Variants in GRIK2 observed in about 807,000 individuals in gnomAD.
GRIK2 encodes the protein glutamate ionotropic receptor kainate type subunit 2, also known as glutamate receptor ionotropic, kainate 2.
A neutral mutation model predicts 100.3 loss-of-function variants in GRIK2; 32 were observed. That is an observed-to-expected ratio of 0.32 (90% CI 0.24 to 0.43). The LOEUF (loss-of-function observed/expected upper bound fraction) is 0.43, where lower values mean the gene tolerates loss of function less well. Ranked by LOEUF, GRIK2 falls within the 20% of genes least tolerant of loss-of-function variation. The pLI is 1.00. For synonymous variants in GRIK2, 417 were observed against 389.4 expected (o/e 1.07, Z -0.83); for missense variants, 843 against 1,114.9 (o/e 0.76, Z 3.47).
chr6:101,725,064 T>C (rs1774764271), intron 7 of GRIK2, among the ~76,000 whole-genome samples: 1 of 152,086 alleles, frequency 6.6e-6, no homozygotes, highest in South Asian at 2.1e-4. Context: ...ACTTTGTGAA[T>C]TCAATAAATC....
At chr6:101,864,143 C>CAAAAA (rs138911944) in intron 11 of GRIK2, among the ~76,000 whole-genome samples, 3 of 85,806 alleles carry the variant, frequency 3.5e-5, no homozygotes, top group African/African-American at 9.5e-5. Context: ...GACTCCGTCT[C>CAAAAA]AAAAAAAAAA....
chr6:101,512,329 AT>A (rs1457482359), intron 2 of GRIK2, among the ~76,000 whole-genome samples: 4 of 151,980 alleles, frequency 2.6e-5, no homozygotes, highest in African/African-American at 7.2e-5. Context: ...ATGAACCATT[AT>A]TTTTTAAAAA....
chr6:101,625,407 T>G (rs2128318259), intron 3 of GRIK2, among the ~76,000 whole-genome samples: 1 of 150,974 alleles, frequency 6.6e-6, no homozygotes, highest in South Asian at 2.1e-4. Flanking sequence ...AATAAATAAA[T>G]AAATAAATAA....
intron 14 of GRIK2, among the ~76,000 whole-genome samples, chr6:101,999,803 G>A (rs1490048053): frequency 5.3e-5 from 8 of 151,910 alleles, no homozygotes; most frequent in Admixed American, 4.6e-4. Flanking sequence ...TTAGCTTCAG[G>A]TTGTTATAGG....
intron 2 of GRIK2, among the ~76,000 whole-genome samples, chr6:101,572,998 CA>C (rs1777629281): frequency 6.6e-6 from 1 of 151,900 alleles, no homozygotes; most frequent in South Asian, 2.1e-4. Flanking sequence ...AGGTGCCTGC[CA>C]CCATTCCCGG....
In GRIK2 at chr6:101,894,006, C is replaced by G. The variant is rs572260149; in HGVS notation, c.1748+4143C>G. On this transcript the variant is annotated intron_variant, in intron 12 of 16. Transcript: ENST00000369134. The stretch of plus-strand genomic sequence containing the variant: ...ATATATTTTGCTGGAGAGAAACATA[C>G]AACTAGAAAGGAAATATGAGGAAGA... Among the ~76,000 whole-genome samples the G allele has an allele frequency of 3.3e-5, 5 of 151,210 alleles. No individual in the cohort carries two copies. In the South Asian group the frequency reaches 1.0e-3, roughly 31 times the overall value.
intron 2 of GRIK2, among the ~76,000 whole-genome samples, chr6:101,578,372 C>T (rs1357118876): frequency 6.6e-6 from 1 of 152,054 alleles, no homozygotes; most frequent in Non-Finnish European, 1.5e-5. Context: ...ATTGGAAGAA[C>T]AAAATAGTCT....
In GRIK2 at chr6:101,842,622, A is replaced by G. The variant is rs376481882; in HGVS notation, c.1318-16665A>G. Among the ~76,000 whole-genome samples the G allele has an allele frequency of 9.2e-5, 14 of 152,182 alleles. No individual in the cohort carries two copies. The East Asian group carries it at 2.5e-3, about 27-fold the overall frequency. On this transcript the variant is annotated intron_variant, in intron 10 of 16. Coordinates refer to ENST00000369134, the MANE Select transcript of GRIK2 (RefSeq NM_021956.5). The stretch of plus-strand genomic sequence containing the variant: ...TATTCAAAAAACTTTTTTTTATTTT[A>G]TTGATTACAAAAGGCAGCAGCTGAA...
intron 9 of GRIK2, among the ~76,000 whole-genome samples, chr6:101,813,313 A>T (rs575659911): frequency 5.9e-5 from 9 of 152,140 alleles, no homozygotes; most frequent in Non-Finnish European, 1.2e-4. Context: ...AATGAATAAA[A>T]CTTAGCTCTG....
rs548460430 is a variant in GRIK2 at position 101,760,755 on chromosome 6, A to C, written c.952-38893A>C. On this transcript the variant is annotated intron_variant, in intron 7 of 16. Coordinates refer to ENST00000369134, the MANE Select transcript of GRIK2 (RefSeq NM_021956.5). ...ATAATTATATATTTAATTATATATA[A>C]TTATATATAAATCAAGGTTAACACA... is the stretch of plus-strand genomic sequence containing the variant. Among the ~76,000 whole-genome samples, 6 of 132,996 alleles carry C rather than the reference A, an allele frequency of 4.5e-5. No individual in the cohort carries two copies. In the East Asian group the frequency reaches 1.3e-3, roughly 28 times the overall value. The allele number at this position is 132,996 out of a possible 152,430, so 87.3% of individuals were successfully genotyped here. A position where few individuals can be genotyped will look rare whatever the true frequency, so the allele number is the denominator to read the frequency against.
chr6:101,504,108 C>G (rs938035243), intron 2 of GRIK2, among the ~76,000 whole-genome samples: 1 of 152,056 alleles, frequency 6.6e-6, no homozygotes, highest in East Asian at 1.9e-4. Context: ...GAAAATGGGT[C>G]ATATTCTAAA....
At chr6:101,946,256 T>C (rs1791269534) in intron 14 of GRIK2, among the ~76,000 whole-genome samples, 1 of 152,072 alleles carries the variant, frequency 6.6e-6, no homozygotes, top group Non-Finnish European at 1.5e-5. Flanking sequence ...ATATATAATA[T>C]GTATGTGTGT....
intron 11 of GRIK2, among the ~76,000 whole-genome samples, chr6:101,873,573 T>C (rs1785584312): frequency 6.6e-6 from 1 of 152,124 alleles, no homozygotes; most frequent in Non-Finnish European, 1.5e-5. Context: ...CATGTTTCTT[T>C]ATAGCAGCAT....
At chr6:101,534,921 G>T (rs1041797659) in intron 2 of GRIK2, among the ~76,000 whole-genome samples, 7 of 151,148 alleles carry the variant, frequency 4.6e-5, no homozygotes, top group African/African-American at 7.3e-5. Context: ...GAACAGCAAA[G>T]CCATTTGCCA....
intron 7 of GRIK2, among the ~76,000 whole-genome samples, chr6:101,721,137 T>C (rs1438759954): frequency 2.0e-5 from 3 of 152,080 alleles, no homozygotes; most frequent in Non-Finnish European, 4.4e-5. Context: ...GCTTCTTCTA[T>C]AGGTACTCAG....
At chr6:101,616,466 C>T (rs905652272) in intron 2 of GRIK2, among the ~76,000 whole-genome samples, 2 of 151,622 alleles carry the variant, frequency 1.3e-5, no homozygotes, top group African/African-American at 4.8e-5. Context: ...AGCATTTTGT[C>T]ATGAAATACC....
At chr6:101,958,208 C>A (rs975923853) in intron 14 of GRIK2, among the ~76,000 whole-genome samples, 7 of 131,884 alleles carry the variant, frequency 5.3e-5, no homozygotes, top group Non-Finnish European at 1.1e-4. Flanking sequence ...TGTATTTTTT[C>A]TTTTAGAGAG....
At chr6:101,856,035 G>A (rs542969076) in intron 10 of GRIK2, among the ~76,000 whole-genome samples, 2 of 152,292 alleles carry the variant, frequency 1.3e-5, no homozygotes, top group Non-Finnish European at 2.9e-5. Flanking sequence ...AGTTTTGTGA[G>A]TTGTGAAGCC....
At chr6:101,709,268 A>G (rs1254771031) in intron 7 of GRIK2, among the ~76,000 whole-genome samples, 2 of 151,672 alleles carry the variant, frequency 1.3e-5, no homozygotes, top group Non-Finnish European at 2.9e-5. Flanking sequence ...CCCTGCAGGA[A>G]CCTTAGTTTG....
Sources: allele counts gnomAD v4.1 joint callset (sites outside exome capture counted in the v4.1 genomes callset), GRCh38; gene constraint gnomAD v4.1.1; transcripts MANE v1.5; gene names NCBI Gene and HGNC (gene_info 2026-07-23, HGNC 2026-07-21).